COL4A6: variants seen among roughly 807,000 people sequenced by gnomAD.
COL4A6 encodes the protein collagen alpha-6(IV) chain.
In COL4A6, 59 loss-of-function variants were observed where a neutral mutation model predicts 126.7. The observed-to-expected ratio is 0.47, with a 90% CI of 0.38 to 0.58. The LOEUF (loss-of-function observed/expected upper bound fraction) is 0.58. Among genes scored for constraint, COL4A6 ranks in the 20% least tolerant of loss-of-function variants. The pLI is 0.00. For missense variants in COL4A6, 1,285 were observed against 1,337.3 expected, an observed-to-expected ratio of 0.96 and a Z score of 0.61; for synonymous variants, 547 against 496.6, an observed-to-expected ratio of 1.10 and a Z score of -1.35.
chrX:108,187,250 T>C lies in COL4A6; in HGVS notation c.1797A>G (p.Glu599=). ...CACCAGGAAGTCCAGGTAACCCCTT[T>C]TCACCTGGGAAGCCCTGTCCACCAT... is the stretch of plus-strand genomic sequence containing the variant. ...PGDGGQGFPG[E]KGLPGLPGEK... is the part of the protein sequence containing the mutation. The change falls in exon 23 of 45, where the codon GAA becomes GAG. Residue 599 remains glutamate (E), a synonymous_variant. Coordinates refer to ENST00000334504, the MANE Select transcript of COL4A6 (RefSeq NM_033641.4). 1 of 1,175,640 alleles carries C rather than the reference T, an allele frequency of 8.5e-7. No individual in the cohort carries two copies. The highest frequency in any genetic ancestry group is 1.1e-6 in the Non-Finnish European group (1 of 874,127).
rs770288473 is a variant in COL4A6 at position 108,211,799 on chromosome X, C to T, written c.442-59G>A. 168 of 1,045,481 alleles carry T rather than the reference C, an allele frequency of 1.6e-4. No individual in the cohort carries two copies. In the African/African-American group the frequency reaches 2.0e-3, roughly 12 times the overall value. The allele number at this position is 1,045,481 out of a possible 1,213,427, so 86.2% of individuals were successfully genotyped here. ...CACACACTTACAGTCTTTTTAATTGCATTATCTGATCAGATAGAGGATGGG... is the reference window on the plus strand; with the variant it reads ...CACACACTTACAGTCTTTTTAATTGTATTATCTGATCAGATAGAGGATGGG... On this transcript the variant is annotated intron_variant, in intron 6 of 44. Coordinates refer to ENST00000334504, the MANE Select transcript of COL4A6 (RefSeq NM_033641.4).
At chrX:108,391,073 T>C (rs1274302452) in intron 2 of COL4A6, among the ~76,000 whole-genome samples, 2 of 111,245 alleles carry the variant, frequency 1.8e-5, no homozygotes, top group Non-Finnish European at 3.8e-5. Flanking sequence ...GGAAGCTTCG[T>C]CACAGAGGGG....
At chrX:108,288,320 T>C (rs1050280626) in intron 3 of COL4A6, among the ~76,000 whole-genome samples, 1 of 112,042 alleles carries the variant, frequency 8.9e-6, no homozygotes, top group Non-Finnish European at 1.9e-5. Context: ...ATGAGAAACA[T>C]AGTACTTAAG....
In COL4A6 at chrX:108,180,403, C is replaced by G. The variant is rs1254968231; in HGVS notation, c.2131+112G>C. The G allele has an allele frequency of 1.1e-5, 7 of 639,182 alleles. No individual in the cohort carries two copies. The Admixed American group carries it at 2.6e-4, about 24-fold the overall frequency. The allele number at this position is 639,182 out of a possible 1,213,427, so 52.7% of individuals were successfully genotyped here. On this transcript the variant is annotated intron_variant, in intron 25 of 44. Transcript: ENST00000334504. ...AATCCTACCCACACCAGAGAGCAAA[C>G]TTGGCTTCCTGTAATTGGCAGAGGA...
chrX:108,328,656 G>A (rs2039221955), intron 2 of COL4A6, among the ~76,000 whole-genome samples: 1 of 112,078 alleles, frequency 8.9e-6, no homozygotes, highest in East Asian at 2.8e-4. Context: ...ACAACAGTAT[G>A]GAGATGCCTC....
chrX:108,159,197 G>T, intron 44 of COL4A6, among the ~76,000 whole-genome samples: 1 of 111,861 alleles, frequency 8.9e-6, no homozygotes, highest in East Asian at 2.8e-4. Context: ...AACTGAAGCG[G>T]GCATGGAGAC....
chrX:108,175,361 C>T, intron 29 of COL4A6, 146 bp from the exon 30 acceptor site: 1 of 745,084 alleles, frequency 1.3e-6, no homozygotes, highest in South Asian at 3.6e-5. Context: ...CCCCCAACTT[C>T]ACATTTCTGT....
intron 3 of COL4A6, among the ~76,000 whole-genome samples, chrX:108,273,071 C>T (rs748246264): frequency 1.8e-5 from 2 of 110,395 alleles, no homozygotes; most frequent in South Asian, 3.9e-4. Context: ...TCTCCTAATG[C>T]TATCCCTCCC....
chrX:108,366,947 G>T (rs2040211434), intron 2 of COL4A6, among the ~76,000 whole-genome samples: 1 of 112,044 alleles, frequency 8.9e-6, no homozygotes, highest in African/African-American at 3.2e-5. Context: ...AATTAAGTGG[G>T]TTAAAATTCC....
At chrX:108,347,410 C>T (rs2039733257) in intron 2 of COL4A6, among the ~76,000 whole-genome samples, 1 of 112,092 alleles carries the variant, frequency 8.9e-6, no homozygotes, top group Non-Finnish European at 1.9e-5. Flanking sequence ...ATTTACCACA[C>T]GTTTAAGCAA....
At position 108,178,588 on chromosome X, in the gene COL4A6, A is replaced by AC. The variant is rs1422512213; in HGVS notation, c.2515+95dup. The AC allele has an allele frequency of 1.4e-5, 12 of 880,637 alleles. No individual in the cohort carries two copies. In the East Asian group the frequency reaches 3.8e-4, roughly 28 times the overall value. 72.6% of individuals were successfully genotyped at this position (880,637 alleles called of 1,213,427 possible). On this transcript the variant is annotated intron_variant, in intron 27 of 44. Transcript: ENST00000334504. ...AAGTCAAGTCTCATTCTAAATTCTG[A>AC]CCATGTCCCACTACTGCTATTGCCC...
chrX:108,174,769 C>T, intron 30 of COL4A6, 148 bp from the exon 31 acceptor site: 1 of 511,794 alleles, frequency 2.0e-6, no homozygotes. Context: ...GAGATGCTTT[C>T]AGTCTTATGG....
chrX:108,256,691 TC>T (rs1350888907), intron 3 of COL4A6, among the ~76,000 whole-genome samples: 1 of 111,151 alleles, frequency 9.0e-6, no homozygotes, highest in Non-Finnish European at 1.9e-5. Flanking sequence ...ATGTAAATTA[TC>T]AGGTACTCAC....
At chrX:108,162,335 A>G (rs1319467020) in intron 41 of COL4A6, among the ~76,000 whole-genome samples, 1 of 109,023 alleles carries the variant, frequency 9.2e-6, no homozygotes, top group Non-Finnish European at 1.9e-5. Context: ...TCGGTGACAG[A>G]GCAAGACTCC....
intron 37 of COL4A6, among the ~76,000 whole-genome samples, chrX:108,168,216 G>T (rs2034192495): frequency 8.9e-6 from 1 of 111,891 alleles, no homozygotes. Flanking sequence ...GAAAACAAAA[G>T]AAAATGTCCC....
chrX:108,402,470 A>G (rs1367645916), intron 2 of COL4A6, among the ~76,000 whole-genome samples: 1 of 110,559 alleles, frequency 9.0e-6, no homozygotes, highest in Non-Finnish European at 1.9e-5. Context: ...TCTCCGCTGC[A>G]TGTTTGTTTT....
At chrX:108,188,381 T>C in intron 21 of COL4A6, 136 bp downstream of exon 21, 1 of 571,578 alleles carries the variant, frequency 1.7e-6, no homozygotes, top group Non-Finnish European at 2.5e-6. Flanking sequence ...TCAGATTTCA[T>C]GTTGTAGATC....
chrX:108,405,500 T>C (rs769415238), intron 2 of COL4A6, among the ~76,000 whole-genome samples: 5 of 111,752 alleles, frequency 4.5e-5, no homozygotes, highest in Non-Finnish European at 9.4e-5. Context: ...TTCAGTATCA[T>C]TGTTAACTAG....
intron 3 of COL4A6, among the ~76,000 whole-genome samples, chrX:108,297,356 T>C (rs1310089930): frequency 9.0e-6 from 1 of 111,701 alleles, no homozygotes; most frequent in Non-Finnish European, 1.9e-5. Flanking sequence ...AGCTAAACCA[T>C]TCACCTAATG....
Sources: allele counts gnomAD v4.1 joint callset (sites outside exome capture counted in the v4.1 genomes callset), GRCh38; gene constraint gnomAD v4.1.1; transcripts MANE v1.5; gene names NCBI Gene and HGNC (gene_info 2026-07-23, HGNC 2026-07-21).